B4GALT5: variants seen among roughly 807,000 people sequenced by gnomAD.
The protein encoded by B4GALT5 is UDP-Gal:beta-GlcNAc beta-1,4-galactosyltransferase 5.
B4GALT5 carries 11 observed loss-of-function variants against 45.0 expected under a neutral mutation model. That is an observed-to-expected ratio of 0.24 (90% CI 0.15 to 0.40). B4GALT5 has a LOEUF of 0.40. B4GALT5 is among the 10% of genes least tolerant of loss of function. The pLI, the probability that B4GALT5 is intolerant of heterozygous loss-of-function variation, is 1.00. For missense variants in B4GALT5, 337 were observed against 500.2 expected (o/e 0.67, Z 3.11); for synonymous variants, 185 against 182.9 (o/e 1.01, Z -0.09).
intron 1 of B4GALT5, among the ~76,000 whole-genome samples, chr20:49,701,892 C>T (rs1409008621): frequency 6.6e-6 from 1 of 151,994 alleles, no homozygotes; most frequent in East Asian, 1.9e-4. Flanking sequence ...TGGTGAAACC[C>T]CATCTCTACC....
chr20:49,702,667 C>T (rs962607652), intron 1 of B4GALT5, among the ~76,000 whole-genome samples: 1 of 151,564 alleles, frequency 6.6e-6, no homozygotes, highest in Admixed American at 6.6e-5. Flanking sequence ...CCGGCCTGGG[C>T]AACATAGGGC....
At chr20:49,692,269 G>A (rs1219590401) in intron 1 of B4GALT5, among the ~76,000 whole-genome samples, 1 of 149,750 alleles carries the variant, frequency 6.7e-6, no homozygotes, top group Non-Finnish European at 1.5e-5. Flanking sequence ...AAACATCCCA[G>A]CCTGGGCAAC....
rs6019982 is a variant in B4GALT5, at chr20:49,704,749, C to A, written c.115+8827G>T. On this transcript the variant is annotated intron_variant, in intron 1 of 8. Coordinates refer to ENST00000371711, the MANE Select transcript of B4GALT5 (RefSeq NM_004776.4). ...AAAAACAAAAAAAAACAAAAAAAAACCACAACATTGCTGTCTTACAACCTA... is the reference window on the plus strand; with the variant it reads ...AAAAACAAAAAAAAACAAAAAAAAAACACAACATTGCTGTCTTACAACCTA... Among the ~76,000 whole-genome samples, 1,304 of 151,062 alleles carry A rather than the reference C, an allele frequency of 8.6e-3. 18 individuals carry two copies. The highest frequency in any genetic ancestry group is 0.03 in the African/African-American group (1,245 of 40,988).
chr20:49,674,951 T>TA (rs1768322845), intron 1 of B4GALT5, among the ~76,000 whole-genome samples: 1 of 152,162 alleles, frequency 6.6e-6, no homozygotes, highest in Non-Finnish European at 1.5e-5. Flanking sequence ...TGGAACCTGC[T>TA]AAGATCTCAG....
chr20:49,647,208 C>T (rs754162046), intron 2 of B4GALT5, 130 bp from the exon 3 acceptor site: 16 of 564,558 alleles, frequency 2.8e-5, no homozygotes, highest in Middle Eastern at 3.8e-4. Context: ...TCTGGACTAC[C>T]GCTTTGATGC....
At chr20:49,686,246 A>T (rs539794137) in intron 1 of B4GALT5, among the ~76,000 whole-genome samples, 64 of 152,226 alleles carry the variant, frequency 4.2e-4, no homozygotes, top group African/African-American at 1.4e-3. Flanking sequence ...TGATCTCTTT[A>T]TGTCTTTCCT....
chr20:49,637,359 TCTC>T lies in B4GALT5; in HGVS notation c.998_1000del (p.Gly333del). On this transcript the variant is annotated inframe_deletion, in exon 8 of 9. Transcript: ENST00000371711. ...CACCAACCTTCCAAGAAACTGGACT[TCTC>T]CTCGATGGTGATGAGGAATGGACTT... is the stretch of plus-strand genomic sequence containing the variant. 6.2e-7 allele frequency: 1 copy of T among 1,613,928 alleles called. No individual in the cohort carries two copies. Among genetic ancestry groups the T allele is most frequent in the Non-Finnish European group, 8.5e-7 (1 of 1,179,858 alleles).
At chr20:49,710,514 G>A (rs1246691560) in intron 1 of B4GALT5, among the ~76,000 whole-genome samples, 1 of 150,718 alleles carries the variant, frequency 6.6e-6, no homozygotes, top group Admixed American at 6.6e-5. Flanking sequence ...CTGCCTCCTG[G>A]GTTCAAGTGA....
intron 2 of B4GALT5, among the ~76,000 whole-genome samples, chr20:49,649,494 C>G (rs1283379006): frequency 6.6e-6 from 1 of 152,008 alleles, no homozygotes; most frequent in African/African-American, 2.4e-5. Flanking sequence ...GCAGGAGGAT[C>G]ACCTGAGCCT....
intron 2 of B4GALT5, among the ~76,000 whole-genome samples, chr20:49,652,449 C>T (rs1280590673): frequency 6.6e-6 from 1 of 151,600 alleles, no homozygotes; most frequent in African/African-American, 2.4e-5. Flanking sequence ...AAAGAATTAG[C>T]ATTCTTCAAG....
intron 2 of B4GALT5, among the ~76,000 whole-genome samples, chr20:49,650,381 G>A (rs1323286051): frequency 6.6e-6 from 1 of 150,934 alleles, no homozygotes; most frequent in African/African-American, 2.4e-5. Flanking sequence ...CTACTTGGAA[G>A]GCCAAGGTGG....
chr20:49,633,880 G>C lies in B4GALT5; in HGVS notation c.*2432C>G, dbSNP rs989780426. The C allele has an allele frequency of 6.5e-6, 1 of 152,678 alleles. No homozygotes were observed. Among genetic ancestry groups the C allele is most frequent in the Non-Finnish European group, 1.5e-5 (1 of 68,086 alleles). The allele number at this position is 152,678 out of a possible 1,614,324, so 9.5% of individuals were successfully genotyped here. A position where few individuals can be genotyped will look rare whatever the true frequency, so the allele number is the denominator to read the frequency against. On this transcript the variant is annotated 3_prime_UTR_variant, in exon 9 of 9. Transcript: ENST00000371711. ...ACTCACAGCCTTCAGTGAGGAAAGG[G>C]GAGAGGAGAATGAGAAGGGGAGAAA...
chr20:49,706,843 G>A (rs1887725), intron 1 of B4GALT5, among the ~76,000 whole-genome samples: 16,975 of 152,088 alleles, frequency 0.11, 1,066 homozygotes, highest in African/African-American at 0.15. Context: ...GTTTTTCTTT[G>A]CCTTATGTGA....
At chr20:49,702,605 A>G (rs1461018179) in intron 1 of B4GALT5, among the ~76,000 whole-genome samples, 1 of 152,202 alleles carries the variant, frequency 6.6e-6, no homozygotes, top group Non-Finnish European at 1.5e-5. Flanking sequence ...CTGTAATCCC[A>G]GCACTCTGGG....
chr20:49,652,730 A>C (rs2085627443), intron 2 of B4GALT5, among the ~76,000 whole-genome samples: 1 of 152,312 alleles, frequency 6.6e-6, no homozygotes, highest in South Asian at 2.1e-4. Flanking sequence ...TTCATTCACT[A>C]ATCACCATGT....
chr20:49,642,227 A>C (rs1441838321), intron 5 of B4GALT5, among the ~76,000 whole-genome samples: 3 of 152,130 alleles, frequency 2.0e-5, no homozygotes, highest in Admixed American at 2.0e-4. Flanking sequence ...CCATAATACA[A>C]GAGGCCTTTG....
At chr20:49,693,681 C>A (rs1790626975) in intron 1 of B4GALT5, among the ~76,000 whole-genome samples, 2 of 152,206 alleles carry the variant, frequency 1.3e-5, no homozygotes, top group Non-Finnish European at 2.9e-5. Flanking sequence ...ACTTTCGCCA[C>A]CACTTTTTAA....
At chr20:49,660,847 C>T (rs991228002) in intron 1 of B4GALT5, among the ~76,000 whole-genome samples, 11 of 152,108 alleles carry the variant, frequency 7.2e-5, no homozygotes, top group Non-Finnish European at 1.0e-4. Context: ...AAATACTAGC[C>T]GAGTGTGGTA....
At chr20:49,701,095 ACTGT>A (rs1486405326) in intron 1 of B4GALT5, among the ~76,000 whole-genome samples, 2 of 152,196 alleles carry the variant, frequency 1.3e-5, no homozygotes, top group Non-Finnish European at 2.9e-5. Context: ...ACAGTGATAC[ACTGT>A]CTGCTTTGTT....
Sources: allele counts gnomAD v4.1 joint callset (sites outside exome capture counted in the v4.1 genomes callset), GRCh38; gene constraint gnomAD v4.1.1; transcripts MANE v1.5; gene names NCBI Gene and HGNC (gene_info 2026-07-23, HGNC 2026-07-21).